Variants in FRMD4A observed in about 807,000 individuals in gnomAD.
The protein encoded by FRMD4A is FERM domain-containing protein 4A.
In FRMD4A, 29 loss-of-function variants were observed where a neutral mutation model predicts 129.1. The observed-to-expected ratio is 0.22, with a 90% CI of 0.17 to 0.31. The LOEUF (loss-of-function observed/expected upper bound fraction) is 0.31. Ranked by LOEUF, FRMD4A falls within the 10% of genes least tolerant of loss-of-function variation. FRMD4A has a pLI of 1.00. For missense variants in FRMD4A, 1,272 were observed against 1,375.8 expected, an observed-to-expected ratio of 0.92 and a Z score of 1.19; for synonymous variants, 634 against 571.6, an observed-to-expected ratio of 1.11 and a Z score of -1.56.
intron 2 of FRMD4A, among the ~76,000 whole-genome samples, chr10:13,907,579 G>C (rs2094895424): frequency 6.6e-6 from 1 of 152,120 alleles, no homozygotes; most frequent in South Asian, 2.1e-4. Context: ...GAGGGTTCAA[G>C]GCTTGTGTCA....
intron 14 of FRMD4A, among the ~76,000 whole-genome samples, chr10:13,700,820 CTTTTTTTTTTTTTT>C (rs71503097): frequency 2.2e-5 from 1 of 44,714 alleles, no homozygotes; most frequent in Non-Finnish European, 3.8e-5. Context: ...AGGGTAGTTG[CTTTTTTTTTTTTTT>C]TTTTTTTTTT....
chr10:14,115,984 C>G (rs749390289), intron 2 of FRMD4A, among the ~76,000 whole-genome samples: 1 of 152,252 alleles, frequency 6.6e-6, no homozygotes, highest in African/African-American at 2.4e-5. Context: ...CTGAAAGAAG[C>G]ATTGCCCATA....
intron 2 of FRMD4A, among the ~76,000 whole-genome samples, chr10:13,960,837 C>A (rs950649903): frequency 6.6e-6 from 1 of 152,178 alleles, no homozygotes; most frequent in Non-Finnish European, 1.5e-5. Context: ...CAGAGCTCTT[C>A]CATTCTCTGC....
At chr10:14,223,765 G>A (rs894441130) in intron 2 of FRMD4A, among the ~76,000 whole-genome samples, 2,458 of 71,552 alleles carry the variant, frequency 0.034, 63 homozygotes, top group African/African-American at 0.053. Context: ...AAAAAAAAAA[G>A]AGAGAGAGAG....
intron 2 of FRMD4A, among the ~76,000 whole-genome samples, chr10:13,953,155 C>T (rs1226550962): frequency 6.6e-6 from 1 of 152,180 alleles, no homozygotes. Flanking sequence ...TATGATAATG[C>T]CGTTTTCCTC....
chr10:13,878,709 C>T (rs892350148), intron 2 of FRMD4A, among the ~76,000 whole-genome samples: 6 of 151,586 alleles, frequency 4.0e-5, no homozygotes, highest in Non-Finnish European at 7.4e-5. Flanking sequence ...GCCGAGATCA[C>T]GCTACTGCAC....
chr10:13,712,257 C>G (rs916617212), intron 12 of FRMD4A, among the ~76,000 whole-genome samples: 2 of 152,216 alleles, frequency 1.3e-5, no homozygotes, highest in African/African-American at 4.8e-5. Context: ...CATGGTAGCT[C>G]ACGCTTGTAA....
intron 6 of FRMD4A, among the ~76,000 whole-genome samples, chr10:13,762,892 G>T (rs2092129671): frequency 6.6e-6 from 1 of 152,120 alleles, no homozygotes; most frequent in Admixed American, 6.6e-5. Flanking sequence ...TGTTTTGGAG[G>T]CTGAGGTGGG....
intron 2 of FRMD4A, among the ~76,000 whole-genome samples, chr10:14,263,322 G>A (rs1844868057): frequency 6.6e-6 from 1 of 152,210 alleles, no homozygotes; most frequent in Middle Eastern, 3.2e-3. Context: ...ACTTCAGCCA[G>A]CGCAGGAGGG....
At chr10:13,885,982 G>A (rs1329166872) in intron 2 of FRMD4A, among the ~76,000 whole-genome samples, 2 of 152,092 alleles carry the variant, frequency 1.3e-5, no homozygotes, top group East Asian at 1.9e-4. Flanking sequence ...AGTGGGAGTC[G>A]GGAGATGGGC....
intron 15 of FRMD4A, among the ~76,000 whole-genome samples, chr10:13,686,257 A>G (rs1020160146): frequency 4.6e-5 from 7 of 152,218 alleles, no homozygotes; most frequent in African/African-American, 1.2e-4. Context: ...CAGGGAGGAG[A>G]AGGAGGAAGG....
At chr10:13,958,472 ACGGGGTTTCAC>A (rs1410740728) in intron 2 of FRMD4A, among the ~76,000 whole-genome samples, 2 of 151,298 alleles carry the variant, frequency 1.3e-5, no homozygotes, top group African/African-American at 4.9e-5. Context: ...TTTAGTAGAG[ACGGGGTTTCAC>A]CGTGTTAGCC....
chr10:13,829,640 C>T (rs926210786), intron 3 of FRMD4A, among the ~76,000 whole-genome samples: 1 of 152,174 alleles, frequency 6.6e-6, no homozygotes, highest in African/African-American at 2.4e-5. Flanking sequence ...GCTAGGGATG[C>T]CTTCTCTCTC....
chr10:14,239,323 T>C (rs897627746), intron 2 of FRMD4A, among the ~76,000 whole-genome samples: 2 of 152,206 alleles, frequency 1.3e-5, no homozygotes, highest in Admixed American at 1.3e-4. Flanking sequence ...TTGAGAATTG[T>C]TCTTTTAAAA....
At chr10:14,282,093 A>G (rs1220222469) in intron 2 of FRMD4A, among the ~76,000 whole-genome samples, 1 of 152,214 alleles carries the variant, frequency 6.6e-6, no homozygotes, top group African/African-American at 2.4e-5. Context: ...GTTTTTCGTT[A>G]TAAAACCATC....
intron 21 of FRMD4A, among the ~76,000 whole-genome samples, chr10:13,658,133 A>C (rs201647588): frequency 0.066 from 3,447 of 52,274 alleles, 84 homozygotes; most frequent in African/African-American, 0.16. Context: ...TGTCTCTCTT[A>C]AAAAAAAAAA....
chr10:13,877,945 G>A (rs184419772), intron 2 of FRMD4A, among the ~76,000 whole-genome samples: 3 of 152,102 alleles, frequency 2.0e-5, no homozygotes, highest in Admixed American at 1.3e-4. Context: ...TGGAAAGAGC[G>A]AGGGAGAGGA....
chr10:13,972,682 T>C (rs767583054), intron 2 of FRMD4A, among the ~76,000 whole-genome samples: 3 of 152,212 alleles, frequency 2.0e-5, no homozygotes, highest in Non-Finnish European at 4.4e-5. Context: ...TCATAAGTTG[T>C]TTTGATTGTT....
At chr10:13,957,191 A>G (rs971503053) in intron 2 of FRMD4A, among the ~76,000 whole-genome samples, 1 of 152,230 alleles carries the variant, frequency 6.6e-6, no homozygotes, top group Non-Finnish European at 1.5e-5. Context: ...AACTTTCAAC[A>G]AACAGGCAGA....
Sources: gnomAD v4.1 joint callset for allele counts (sites outside exome capture counted in the v4.1 genomes callset) on GRCh38, gnomAD v4.1.1 for gene constraint, MANE v1.5 for transcripts, NCBI Gene and HGNC (gene_info 2026-07-23, HGNC 2026-07-21) for gene names.